The following CNTNAP2 variants were observed in gnomAD, a reference collection of about 807,000 sequenced individuals.
CNTNAP2 encodes contactin associated protein 2.
A neutral mutation model predicts 155.2 loss-of-function variants in CNTNAP2; 98 were observed. That is an observed-to-expected ratio of 0.63 (90% CI 0.54 to 0.75). The LOEUF (loss-of-function observed/expected upper bound fraction) is 0.75, where lower values mean the gene tolerates loss of function less well. Among genes scored for constraint, CNTNAP2 ranks in the 30% least tolerant of loss-of-function variants. The probability of loss-of-function intolerance (pLI) is 0.00; values close to 1 mark genes in which losing one functional copy is unlikely to be tolerated. For synonymous variants in CNTNAP2, 651 were observed against 631.2 expected (o/e 1.03, Z -0.47); for missense variants, 1,727 against 1,688.1 (o/e 1.02, Z -0.40).
intron 18 of CNTNAP2, among the ~76,000 whole-genome samples, chr7:148,187,109 TACACACACACACAC>T (rs142565546): frequency 1.2e-4 from 6 of 49,262 alleles, no homozygotes; most frequent in Non-Finnish European, 3.3e-4. Context: ...CAAGGAAACA[TACACACACACACAC>T]ACACACACAC....
At chr7:147,306,329 A>G (rs62485034) in intron 9 of CNTNAP2, among the ~76,000 whole-genome samples, 5,260 of 152,336 alleles carry the variant, frequency 0.035, 124 homozygotes, top group South Asian at 0.052. Flanking sequence ...GATAACTAAA[A>G]GTTAGAGGCA....
At chr7:147,439,795 T>C (rs1259183808) in intron 10 of CNTNAP2, among the ~76,000 whole-genome samples, 1 of 152,096 alleles carries the variant, frequency 6.6e-6, no homozygotes, top group Non-Finnish European at 1.5e-5. Flanking sequence ...AAAATTGTTA[T>C]ATCCTCTTGC....
intron 3 of CNTNAP2, among the ~76,000 whole-genome samples, chr7:146,931,256 C>G (rs577432759): frequency 3.9e-5 from 6 of 152,290 alleles, no homozygotes; most frequent in Non-Finnish European, 5.9e-5. Flanking sequence ...ACAGTGCAAT[C>G]AAACCAGAAA....
chr7:146,537,177 T>C (rs1303890271), intron 1 of CNTNAP2, among the ~76,000 whole-genome samples: 1 of 152,062 alleles, frequency 6.6e-6, no homozygotes, highest in Non-Finnish European at 1.5e-5. Flanking sequence ...TACATGACAA[T>C]ATCTGTATCC....
chr7:147,560,190 A>AAAAAAAAAAAAAAAAAAAAAAAAAAAAAC (rs1800034580), intron 11 of CNTNAP2, among the ~76,000 whole-genome samples: 1 of 150,446 alleles, frequency 6.6e-6, no homozygotes, highest in African/African-American at 2.5e-5. Context: ...AAAAAAAAAA[A>AAAAAAAAAAAAAAAAAAAAAAAAAAAAAC]ATTGAATCAG....
rs534649125 is a variant in CNTNAP2, at chr7:146,786,289, A to T, written c.208+11908A>T. Among the ~76,000 whole-genome samples the T allele has an allele frequency of 3.3e-5, 5 of 152,234 alleles. No individual in the cohort carries two copies. The South Asian group carries it at 1.0e-3, about 32-fold the overall frequency. ...AGGCAGACCAAATTATTTCCAAGAC[A>T]ATTGGGAGGACTTAATCTAATAATG... On this transcript the variant is annotated intron_variant, in intron 2 of 23. Transcript: ENST00000361727.
intron 1 of CNTNAP2, among the ~76,000 whole-genome samples, chr7:146,395,187 A>C (rs181411921): frequency 1.3e-3 from 192 of 152,240 alleles, no homozygotes; most frequent in African/African-American, 4.4e-3. Flanking sequence ...GCCATTGTGA[A>C]TAGTGCTGCG....
chr7:147,807,323 A>C (rs1319186892), intron 13 of CNTNAP2, among the ~76,000 whole-genome samples: 11 of 18,680 alleles, frequency 5.9e-4, no homozygotes, highest in Non-Finnish European at 8.7e-5. Context: ...TCCTTGACTC[A>C]AAAAAAAAAA....
rs375648820 is a variant in CNTNAP2, at chr7:147,903,704, C to A, written c.2238C>A (p.Asp746Glu). The change falls in exon 14 of 24, where the codon GAC (aspartate) becomes GAA (glutamate). Residue 746 changes from aspartate (D) to glutamate (E), a missense_variant. By Grantham distance (45) the Asp-to-Glu change is conservative. Coordinates refer to ENST00000361727, the MANE Select transcript of CNTNAP2 (RefSeq NM_014141.6). ...CTDPKYYCNCDADYKQWRKDA... is the reference protein window; with the variant it reads ...CTDPKYYCNCEADYKQWRKDA... ...ATCCCAAGTACTACTGTAACTGCGA[C>A]GCGGACTACAAGCAATGGTGAGTGC... is the stretch of plus-strand genomic sequence containing the variant. 15 of 1,613,688 alleles carry A rather than the reference C, an allele frequency of 9.3e-6. No homozygotes were observed. The highest frequency in any genetic ancestry group is 1.6e-4 in the Middle Eastern group (1 of 6,084).
At chr7:147,399,752 T>C (rs897698501) in intron 10 of CNTNAP2, among the ~76,000 whole-genome samples, 2 of 152,178 alleles carry the variant, frequency 1.3e-5, no homozygotes, top group Admixed American at 1.3e-4. Flanking sequence ...ACCTTTGTGA[T>C]TGACAGAATC....
At chr7:148,061,544 G>C (rs971039155) in intron 15 of CNTNAP2, among the ~76,000 whole-genome samples, 2 of 151,800 alleles carry the variant, frequency 1.3e-5, no homozygotes, top group African/African-American at 4.8e-5. Flanking sequence ...TAGTAGAGAC[G>C]AGGTTTCACC....
At chr7:146,243,880 C>T (rs910921786) in intron 1 of CNTNAP2, among the ~76,000 whole-genome samples, 58 of 151,868 alleles carry the variant, frequency 3.8e-4, no homozygotes, top group Non-Finnish European at 6.3e-4. Flanking sequence ...GTTGGGACAG[C>T]GAAAATTTTT....
chr7:146,519,198 A>G (rs555582852), intron 1 of CNTNAP2, among the ~76,000 whole-genome samples: 1 of 151,916 alleles, frequency 6.6e-6, no homozygotes, highest in African/African-American at 2.4e-5. Context: ...GTTTGCTGTG[A>G]ATTCTAAATG....
At chr7:147,542,260 A>G (rs961480095) in intron 11 of CNTNAP2, among the ~76,000 whole-genome samples, 3 of 151,592 alleles carry the variant, frequency 2.0e-5, no homozygotes, top group African/African-American at 7.3e-5. Context: ...TCTTTTTTAA[A>G]TGAAGAATTT....
chr7:148,067,310 TC>T (rs1200687365), intron 15 of CNTNAP2, among the ~76,000 whole-genome samples: 2 of 152,176 alleles, frequency 1.3e-5, no homozygotes, highest in African/African-American at 4.8e-5. Context: ...TGTGGTGCTC[TC>T]CCCCTTTCCC....
chr7:148,181,218 A>G (rs1017286906), intron 18 of CNTNAP2, among the ~76,000 whole-genome samples: 1 of 152,148 alleles, frequency 6.6e-6, no homozygotes, highest in Non-Finnish European at 1.5e-5. Context: ...CTCAGCCTCC[A>G]CAATTACATG....
chr7:148,299,184 G>C (rs1403470294), intron 21 of CNTNAP2, among the ~76,000 whole-genome samples: 10 of 151,978 alleles, frequency 6.6e-5, no homozygotes, highest in Non-Finnish European at 1.5e-4. Context: ...TAGAGACAGG[G>C]CTTCACCGTG....
intron 1 of CNTNAP2, among the ~76,000 whole-genome samples, chr7:146,558,497 A>G (rs907064933): frequency 3.3e-5 from 5 of 152,180 alleles, no homozygotes; most frequent in Admixed American, 3.3e-4. Flanking sequence ...GGAGATAAGT[A>G]TGGACCCTTG....
intron 11 of CNTNAP2, among the ~76,000 whole-genome samples, chr7:147,501,189 A>G (rs953774943): frequency 6.6e-6 from 1 of 151,558 alleles, no homozygotes; most frequent in African/African-American, 2.4e-5. Flanking sequence ...ACATCCTTTC[A>G]TAATAAAAAC....
Sources: allele counts gnomAD v4.1 joint callset (sites outside exome capture counted in the v4.1 genomes callset), GRCh38; gene constraint gnomAD v4.1.1; transcripts MANE v1.5; gene names NCBI Gene and HGNC (gene_info 2026-07-23, HGNC 2026-07-21).